The following DLC1 variants were observed in gnomAD, a reference collection of about 807,000 sequenced individuals.
DLC1 encodes DLC1 Rho GTPase activating protein, also known as rho GTPase-activating protein 7.
In DLC1, 54 loss-of-function variants were observed where a neutral mutation model predicts 140.3. That is an observed-to-expected ratio of 0.38 (90% confidence interval 0.31 to 0.48). The LOEUF is 0.48. Among genes scored for constraint, DLC1 ranks in the 20% least tolerant of loss-of-function variants. The pLI is 0.96. For synonymous variants in DLC1, 986 were observed against 728.1 expected (o/e 1.35, Z -5.70); for missense variants, 2,536 against 1,907.0 (o/e 1.33, Z -6.14).
At chr8:13,245,346 C>T (rs1443314961) in intron 5 of DLC1, among the ~76,000 whole-genome samples, 1 of 152,242 alleles carries the variant, frequency 6.6e-6, no homozygotes, top group Non-Finnish European at 1.5e-5. Flanking sequence ...ATATCCCGGA[C>T]ATTGTGTAGC....
At chr8:13,196,399 T>C (rs549429943) in intron 5 of DLC1, among the ~76,000 whole-genome samples, 6 of 152,298 alleles carry the variant, frequency 3.9e-5, no homozygotes, top group African/African-American at 1.4e-4. Context: ...CTTTACTACA[T>C]TGCCTTTATT....
chr8:13,260,053 C>T (rs975101946), intron 5 of DLC1, among the ~76,000 whole-genome samples: 1 of 152,036 alleles, frequency 6.6e-6, no homozygotes, highest in East Asian at 1.9e-4. Flanking sequence ...AGAAAACACA[C>T]AAACAGCAGA....
chr8:13,597,229 A>T (rs1208037196), intron 1 of DLC1, among the ~76,000 whole-genome samples: 1 of 152,046 alleles, frequency 6.6e-6, no homozygotes, highest in Admixed American at 6.6e-5. Flanking sequence ...TAAATGAAAG[A>T]TGGATAGATT....
chr8:13,365,883 C>T (rs148119841), intron 4 of DLC1, among the ~76,000 whole-genome samples: 159 of 152,120 alleles, frequency 1.0e-3, no homozygotes, highest in African/African-American at 3.7e-3. Flanking sequence ...CCTAAGTGAC[C>T]CAAGATATTC....
chr8:13,329,667 C>G (rs1366983617), intron 4 of DLC1, among the ~76,000 whole-genome samples: 1 of 152,150 alleles, frequency 6.6e-6, no homozygotes, highest in African/African-American at 2.4e-5. Flanking sequence ...ACCACTAATG[C>G]AGAATTTTTC....
At chr8:13,164,612 G>T (rs1457025050) in intron 5 of DLC1, among the ~76,000 whole-genome samples, 1 of 152,172 alleles carries the variant, frequency 6.6e-6, no homozygotes, top group African/African-American at 2.4e-5. Flanking sequence ...GGCATGGGAT[G>T]TGGTGTGTGA....
chr8:13,431,696 T>C (rs1008826297), intron 2 of DLC1, among the ~76,000 whole-genome samples: 7 of 151,596 alleles, frequency 4.6e-5, no homozygotes, highest in Non-Finnish European at 7.4e-5. Flanking sequence ...TCATGTGTAA[T>C]TGTGGTCAGG....
At chr8:13,142,479 G>A (rs747481056) in intron 5 of DLC1, among the ~76,000 whole-genome samples, 91 of 152,092 alleles carry the variant, frequency 6.0e-4, no homozygotes, top group Non-Finnish European at 1.0e-3. Flanking sequence ...TCATAACCGA[G>A]TTCTCCAGAT....
chr8:13,328,842 A>G (rs1386404154), intron 4 of DLC1, among the ~76,000 whole-genome samples: 1 of 152,200 alleles, frequency 6.6e-6, no homozygotes. Context: ...CTCTTCCAAA[A>G]TGAGCTGGAC....
intron 1 of DLC1, among the ~76,000 whole-genome samples, chr8:13,536,392 A>C (rs1163431509): frequency 6.6e-6 from 1 of 152,222 alleles, no homozygotes; most frequent in Admixed American, 6.5e-5. Context: ...GCATTGGTTT[A>C]ATGCAGCTCA....
At chr8:13,295,361 T>G (rs1382429571) in intron 5 of DLC1, among the ~76,000 whole-genome samples, 1 of 152,218 alleles carries the variant, frequency 6.6e-6, no homozygotes, top group Non-Finnish European at 1.5e-5. Flanking sequence ...AGTAGAAATT[T>G]AAGAACTCTG....
chr8:13,578,245 C>CT (rs1165501221), intron 1 of DLC1, among the ~76,000 whole-genome samples: 2 of 152,076 alleles, frequency 1.3e-5, no homozygotes, highest in African/African-American at 4.8e-5. Flanking sequence ...AAAGGCTATC[C>CT]TTTTTCATCC....
intron 7 of DLC1, among the ~76,000 whole-genome samples, chr8:13,105,099 T>C (rs1819449827): frequency 7.9e-6 from 1 of 125,990 alleles, no homozygotes; most frequent in South Asian, 2.9e-4. Context: ...CCAAATTTAC[T>C]AGCCAGAGGC....
chr8:13,200,218 A>G lies in DLC1; in HGVS notation c.1349-84561T>C, dbSNP rs141358883. 3.1e-4 allele frequency among the ~76,000 whole-genome samples: 47 copies of G among 149,868 alleles called. 1 individual carries two copies. The highest frequency in any genetic ancestry group is 2.2e-3 in the East Asian group (11 of 5,100). ...CTACCACGCCCTGCAAATTTTTTCT[A>G]TTTTTTGTATATATATATTTTTTTT... On this transcript the variant is annotated intron_variant, in intron 5 of 17. Transcript: ENST00000276297.
At chr8:13,257,880 T>C (rs1224901161) in intron 5 of DLC1, among the ~76,000 whole-genome samples, 1 of 152,218 alleles carries the variant, frequency 6.6e-6, no homozygotes, top group East Asian at 1.9e-4. Context: ...GAGCAAGCTT[T>C]GTATGCATTT....
intron 5 of DLC1, among the ~76,000 whole-genome samples, chr8:13,138,493 C>T (rs922086514): frequency 2.6e-5 from 4 of 152,206 alleles, no homozygotes; most frequent in African/African-American, 9.6e-5. Flanking sequence ...ATTGATTTCT[C>T]TCCCTGAGGA....
intron 1 of DLC1, among the ~76,000 whole-genome samples, chr8:13,579,473 T>TTATATTATATATTTAATATATTATATTA (rs1804996466): frequency 6.2e-5 from 6 of 96,890 alleles, no homozygotes; most frequent in Non-Finnish European, 1.1e-4. Context: ...ACATTATATT[T>TTATATTATATATTTAATATATTATATTA]TATATTATAT....
intron 2 of DLC1, among the ~76,000 whole-genome samples, chr8:13,439,737 A>T (rs1172910856): frequency 6.6e-6 from 1 of 152,148 alleles, no homozygotes; most frequent in South Asian, 2.1e-4. Context: ...GAGAAGCATT[A>T]TGTCTCCTTC....
chr8:13,570,849 C>T (rs184998108), intron 1 of DLC1, among the ~76,000 whole-genome samples: 1 of 152,110 alleles, frequency 6.6e-6, no homozygotes, highest in Non-Finnish European at 1.5e-5. Flanking sequence ...TGTAGAGTCT[C>T]CCCTCTACCC....
Sources: allele counts gnomAD v4.1 joint callset (sites outside exome capture counted in the v4.1 genomes callset), GRCh38; gene constraint gnomAD v4.1.1; transcripts MANE v1.5; gene names NCBI Gene and HGNC (gene_info 2026-07-23, HGNC 2026-07-21).